The following PPP1R7 variants were observed in gnomAD, a reference collection of about 807,000 sequenced individuals.
The protein encoded by PPP1R7 is protein phosphatase 1 regulatory subunit 7.
Under a neutral mutation model 45.2 loss-of-function variants are expected in PPP1R7, and 18 were observed. The observed-to-expected ratio is 0.40, with a 90% CI of 0.28 to 0.59. The LOEUF is 0.59. Among genes scored for constraint, PPP1R7 ranks in the 20% least tolerant of loss-of-function variants. The pLI is 0.46. For synonymous variants in PPP1R7, 181 were observed against 183.4 expected (o/e 0.99, Z 0.11); for missense variants, 314 against 455.8 (o/e 0.69, Z 2.83).
chr2:241,164,233 C>A (rs1174864883), intron 7 of PPP1R7, among the ~76,000 whole-genome samples: 1 of 152,192 alleles, frequency 6.6e-6, no homozygotes, highest in African/African-American at 2.4e-5. Flanking sequence ...CCCACCTCCC[C>A]CTTCTGCCCC....
intron 9 of PPP1R7, 140 bp downstream of exon 9, chr2:241,170,007 C>A: frequency 3.0e-6 from 2 of 673,336 alleles, no homozygotes; most frequent in Non-Finnish European, 5.1e-6. Context: ...TTGGGGTGGG[C>A]GCTCTTGTAG....
intron 6 of PPP1R7, among the ~76,000 whole-genome samples, chr2:241,161,962 T>C (rs1024407353): frequency 1.3e-5 from 2 of 152,172 alleles, no homozygotes; most frequent in African/African-American, 4.8e-5. Context: ...AATGCCCCTC[T>C]ACTTGGCTTC....
At chr2:241,151,114 A>G (rs912141297) in intron 1 of PPP1R7, among the ~76,000 whole-genome samples, 18 of 151,852 alleles carry the variant, frequency 1.2e-4, no homozygotes, top group East Asian at 3.9e-4. Flanking sequence ...ACTTTGTTGG[A>G]AAAAAAAACC....
intron 1 of PPP1R7, among the ~76,000 whole-genome samples, chr2:241,152,267 G>A (rs139880651): frequency 6.6e-6 from 1 of 152,356 alleles, no homozygotes; most frequent in Non-Finnish European, 1.5e-5. Context: ...AAATGGAAAC[G>A]ATTTGCCAAA....
intron 9 of PPP1R7, among the ~76,000 whole-genome samples, chr2:241,177,947 C>T (rs933460081): frequency 2.6e-5 from 4 of 152,252 alleles, no homozygotes; most frequent in Admixed American, 2.0e-4. Flanking sequence ...AGATGCTGCC[C>T]GCTCGTTTAA....
chr2:241,159,515 C>T (rs1354328143), intron 5 of PPP1R7, among the ~76,000 whole-genome samples, 172 bp downstream of exon 5: 2 of 152,160 alleles, frequency 1.3e-5, no homozygotes, highest in African/African-American at 2.4e-5. Flanking sequence ...TTTCAGGGCT[C>T]CAGGAGGCCT....
intron 6 of PPP1R7, 77 bp downstream of exon 6, chr2:241,160,571 G>A: frequency 7.9e-7 from 1 of 1,264,610 alleles, no homozygotes. Flanking sequence ...GTGGGTGTAT[G>A]TAGAATGCAT....
At chr2:241,150,198 C>T (rs552884215), upstream of PPP1R7, 3 of 1,271,736 alleles carry the variant, frequency 2.4e-6, no homozygotes, top group East Asian at 3.3e-5. Context: ...ACGTCCACTC[C>T]GTCTGCCTGC....
At chr2:241,167,803 A>G (rs1015784663) in intron 8 of PPP1R7, among the ~76,000 whole-genome samples, 2 of 152,258 alleles carry the variant, frequency 1.3e-5, no homozygotes, top group Non-Finnish European at 2.9e-5. Context: ...AATCTTCATC[A>G]TGATCAAATG....
At chr2:241,151,892 T>A (rs1162574994) in intron 1 of PPP1R7, among the ~76,000 whole-genome samples, 2 of 152,196 alleles carry the variant, frequency 1.3e-5, no homozygotes, top group African/African-American at 4.8e-5. Context: ...CACCAGCCCA[T>A]CATCCCCAGT....
chr2:241,149,618 T>A, upstream of PPP1R7: 1 of 1,534,948 alleles, frequency 6.5e-7, no homozygotes, highest in Non-Finnish European at 8.7e-7. Flanking sequence ...CAAACACCCC[T>A]ACGGCGCTTC....
At chr2:241,162,716 G>T in intron 6 of PPP1R7, among the ~76,000 whole-genome samples, 1 of 146,314 alleles carries the variant, frequency 6.8e-6, no homozygotes. Flanking sequence ...GGAGTCTCGT[G>T]CTGTTGCCCA....
chr2:241,161,880 C>G (rs1575391173), intron 6 of PPP1R7, among the ~76,000 whole-genome samples: 1 of 152,224 alleles, frequency 6.6e-6, no homozygotes, highest in African/African-American at 2.4e-5. Context: ...GGCACGGAGC[C>G]TTTGCTCCCC....
At chr2:241,150,865 G>A (rs1180759323) in intron 1 of PPP1R7, among the ~76,000 whole-genome samples, 1 of 152,170 alleles carries the variant, frequency 6.6e-6, no homozygotes, top group Admixed American at 6.5e-5. Flanking sequence ...GAGCCTCTGA[G>A]ATTGACGGGC....
chr2:241,168,793 G>A (rs1486526734), intron 8 of PPP1R7, among the ~76,000 whole-genome samples: 1 of 152,232 alleles, frequency 6.6e-6, no homozygotes, highest in Non-Finnish European at 1.5e-5. Context: ...TAGCGCTTTC[G>A]AATTGGGAAA....
In PPP1R7 at chr2:241,168,114, C is replaced by T. The variant is rs1268344986; in HGVS notation, c.820-1667C>T. The stretch of plus-strand genomic sequence containing the variant: ...TCATGCCCTTTGGTGTGCCTGCTCT[C>T]CTCACCCTGTTCCATTCTTTTTTTC... On this transcript the variant is annotated intron_variant, in intron 8 of 9. Coordinates refer to ENST00000234038, the MANE Select transcript of PPP1R7 (RefSeq NM_002712.3). 2.6e-5 allele frequency among the ~76,000 whole-genome samples: 4 copies of T among 152,214 alleles called. No homozygotes were observed. In the East Asian group the frequency reaches 7.7e-4, roughly 29 times the overall value.
At chr2:241,149,674 A>G (rs988505049), upstream of PPP1R7, 3 of 1,547,248 alleles carry the variant, frequency 1.9e-6, no homozygotes, top group African/African-American at 4.1e-5. Flanking sequence ...CGGGCCGGGC[A>G]GATGCGGTTT....
chr2:241,170,670 G>A (rs1471748597), intron 9 of PPP1R7, among the ~76,000 whole-genome samples: 3 of 152,182 alleles, frequency 2.0e-5, no homozygotes, highest in East Asian at 1.9e-4. Context: ...TCCTCTAGCC[G>A]TGCTGCTGAC....
intron 2 of PPP1R7, chr2:241,154,953 C>T (rs2067418550): frequency 6.6e-6 from 1 of 152,166 alleles, no homozygotes; most frequent in Non-Finnish European, 1.5e-5. Flanking sequence ...TGATTGGTAA[C>T]TATGGCAACC....
Sources: gnomAD v4.1 joint callset for allele counts (sites outside exome capture counted in the v4.1 genomes callset) on GRCh38, gnomAD v4.1.1 for gene constraint, MANE v1.5 for transcripts, NCBI Gene and HGNC (gene_info 2026-07-23, HGNC 2026-07-21) for gene names.